QRSL1: variants seen among roughly 807,000 people sequenced by gnomAD.
QRSL1 encodes glutaminyl-tRNA amidotransferase subunit QRSL1.
QRSL1 carries 54 observed loss-of-function variants against 61.6 expected under a neutral mutation model. That is an observed-to-expected ratio of 0.88 (90% confidence interval 0.70 to 1.10). The LOEUF is 1.10. QRSL1 is among the 50% of genes least tolerant of loss of function. The pLI is 0.00. For synonymous variants in QRSL1, 228 were observed against 225.7 expected (o/e 1.01, Z -0.09); for missense variants, 505 against 622.6 (o/e 0.81, Z 2.01).
chr6:106,650,296 T>C lies in QRSL1; in HGVS notation c.557+1095T>C, dbSNP rs1400396705. Among the ~76,000 whole-genome samples, 5 of 152,282 alleles carry C rather than the reference T, an allele frequency of 3.3e-5. No homozygotes were observed. The South Asian group carries it at 8.3e-4, about 25-fold the overall frequency. ...CCGTCAGTGAATGCTAATAAGAAAATGTATCTTTTAAAATTGTGAAAGCAA... is the reference window on the plus strand; with the variant it reads ...CCGTCAGTGAATGCTAATAAGAAAACGTATCTTTTAAAATTGTGAAAGCAA... On this transcript the variant is annotated intron_variant, in intron 5 of 10. Transcript: ENST00000369046.
Position 106,643,122 on chromosome 6 carries a change from C to T in QRSL1, c.380+32C>T, listed in dbSNP as rs145768631. 5.6e-5 allele frequency: 80 copies of T among 1,433,020 alleles called. No homozygotes were observed. In the African/African-American group the frequency reaches 1.1e-3, roughly 19 times the overall value. 88.8% of individuals were successfully genotyped at this position (1,433,020 alleles called of 1,614,324 possible). ...AAAATTGAAATCTTCTCTTGAGTTTCTTCTGTCTGTGCCTTTATTTTCACT... is the reference window on the plus strand; with the variant it reads ...AAAATTGAAATCTTCTCTTGAGTTTTTTCTGTCTGTGCCTTTATTTTCACT... On this transcript the variant is annotated intron_variant, in intron 4 of 10. Coordinates refer to ENST00000369046, the MANE Select transcript of QRSL1 (RefSeq NM_018292.5).
chr6:106,645,996 G>T (rs562090563), intron 4 of QRSL1, among the ~76,000 whole-genome samples: 10 of 152,146 alleles, frequency 6.6e-5, no homozygotes, highest in Non-Finnish European at 1.3e-4. Flanking sequence ...GGTGAGAGCA[G>T]ATTTCCTTGC....
chr6:106,649,206 G>T lies in QRSL1; in HGVS notation c.557+5G>T. The T allele has an allele frequency of 4.3e-6, 7 of 1,612,982 alleles. No homozygotes were observed. Among genetic ancestry groups the T allele is most frequent in the Middle Eastern group, 3.3e-4 (2 of 6,052 alleles). On this transcript the variant is annotated splice_donor_5th_base_variant and intron_variant, in intron 5 of 10. Transcript: ENST00000369046. ...ATCGGCGTTCACATGCTACGCGTAA[G>T]ATGCTTTTCTCTATCTGTATTTTAA...
rs1777382775 is a variant in QRSL1, at chr6:106,663,103, A to G, written c.1284A>G (p.Val428=). The G allele has an allele frequency of 6.2e-7, 1 of 1,614,066 alleles. No homozygotes were observed. The highest frequency in any genetic ancestry group is 1.7e-5 in the Admixed American group (1 of 60,006). ...LLTPTTLSEA[V]PYLEFIKEDN... ...CTCCCACCACCTTGAGTGAGGCAGT[A>G]CCATACTTGGAGTTCATCAAAGAGG... The change falls in exon 10 of 11, where the codon GTA becomes GTG. Residue 428 remains valine, a synonymous_variant. Coordinates refer to ENST00000369046, the MANE Select transcript of QRSL1 (RefSeq NM_018292.5).
intron 7 of QRSL1, chr6:106,653,264 A>C (rs1777214570): frequency 6.5e-6 from 1 of 154,136 alleles, no homozygotes; most frequent in African/African-American, 2.4e-5. Flanking sequence ...AGAATAATGA[A>C]GTTTCACAAC....
intron 1 of QRSL1, among the ~76,000 whole-genome samples, chr6:106,637,660 C>T (rs1429657744): frequency 6.6e-6 from 1 of 152,120 alleles, no homozygotes; most frequent in Non-Finnish European, 1.5e-5. Context: ...GGAGAAGCAG[C>T]GGCTGCCAGG....
chr6:106,640,450 T>C lies in QRSL1; in HGVS notation c.126T>C (p.Thr42=), dbSNP rs777907019. The change falls in exon 2 of 11, where the codon ACT becomes ACC. Residue 42 remains threonine, a synonymous_variant. Coordinates refer to ENST00000369046, the MANE Select transcript of QRSL1 (RefSeq NM_018292.5). Reference sequence around the variant, plus strand: ...CCAAGTTTCTAAATGCCTACATTACTGTGTCAGAAGAGGTGGCCTTAAAAC... The same window carrying C: ...CCAAGTTTCTAAATGCCTACATTACCGTGTCAGAAGAGGTGGCCTTAAAAC... The part of the protein sequence containing the change: ...KKTKFLNAYI[T]VSEEVALKQA... 5 of 1,608,346 alleles carry C rather than the reference T, an allele frequency of 3.1e-6. No individual in the cohort carries two copies. The highest frequency in any genetic ancestry group is 4.2e-6 in the Non-Finnish European group (5 of 1,178,122).
chr6:106,639,129 T>TTTTTG (rs1562165101), intron 1 of QRSL1, among the ~76,000 whole-genome samples: 2 of 140,302 alleles, frequency 1.4e-5, no homozygotes, highest in Non-Finnish European at 1.5e-5. Flanking sequence ...GTTTTTTTTT[T>TTTTTG]TTTTTTTTTT....
At chr6:106,647,921 A>C (rs1366088779) in intron 4 of QRSL1, among the ~76,000 whole-genome samples, 1 of 146,544 alleles carries the variant, frequency 6.8e-6, no homozygotes, top group African/African-American at 2.5e-5. Flanking sequence ...AAGTGCTGGG[A>C]TTACAGGCGT....
rs1023965670 is a variant in QRSL1, at chr6:106,666,317, A to AAAAT, written c.*327_*330dup. The AAAAT allele has an allele frequency of 2.9e-4, 78 of 270,356 alleles. 1 individual carries two copies. The highest frequency in any genetic ancestry group is 1.6e-3 in the African/African-American group (72 of 44,526). The allele number at this position is 270,356 out of a possible 1,614,324, so 16.7% of individuals were successfully genotyped here. On this transcript the variant is annotated 3_prime_UTR_variant, in exon 11 of 11. Transcript: ENST00000369046. The stretch of plus-strand genomic sequence containing the variant: ...GGGTGACAAAGCAAGACTGTGTCTC[A>AAAAT]AAATAAATAAATAAAATAAAATAAA...
intron 7 of QRSL1, 156 bp downstream of exon 7, chr6:106,652,738 C>T (rs1456780902): frequency 6.5e-7 from 1 of 1,532,102 alleles, no homozygotes; most frequent in South Asian, 1.2e-5. Flanking sequence ...AGCTCAATTT[C>T]CCCATCTGTA....
chr6:106,665,509 C>T (rs1204751744), intron 10 of QRSL1, among the ~76,000 whole-genome samples: 2 of 152,146 alleles, frequency 1.3e-5, no homozygotes, highest in African/African-American at 2.4e-5. Context: ...CCACAGAAGA[C>T]TGGTTTACTC....
rs1010130588 is a variant in QRSL1, at chr6:106,630,712, A to C, written c.24+1007A>C. On this transcript the variant is annotated intron_variant, in intron 1 of 10. Transcript: ENST00000369046. Reference sequence around the variant, plus strand: ...AGGCTCCAGGTGATTTCTGGTAAGAAGTAGGCGCTGATGACCTAAACTGCC... The same window carrying C: ...AGGCTCCAGGTGATTTCTGGTAAGACGTAGGCGCTGATGACCTAAACTGCC... Among the ~76,000 whole-genome samples the C allele has an allele frequency of 2.0e-5, 3 of 152,176 alleles. No homozygotes were observed. The East Asian group carries it at 5.8e-4, about 29-fold the overall frequency.
intron 1 of QRSL1, among the ~76,000 whole-genome samples, chr6:106,631,905 T>C (rs1776840062): frequency 6.6e-6 from 1 of 152,236 alleles, no homozygotes; most frequent in South Asian, 2.1e-4. Context: ...CTGTATCTTA[T>C]TCATTCTGTC....
At chr6:106,646,798 GCAGGTGGATCACAAGGT>G (rs1487684666) in intron 4 of QRSL1, among the ~76,000 whole-genome samples, 1 of 152,040 alleles carries the variant, frequency 6.6e-6, no homozygotes, top group Non-Finnish European at 1.5e-5. Flanking sequence ...GGAGGCCGAG[GCAGGTGGATCACAAGGT>G]CAGGAGATTG....
At chr6:106,632,492 A>T (rs1416432722) in intron 1 of QRSL1, among the ~76,000 whole-genome samples, 1 of 152,080 alleles carries the variant, frequency 6.6e-6, no homozygotes, top group African/African-American at 2.4e-5. Flanking sequence ...CTAGGATTAC[A>T]GGTGTGAGCC....
chr6:106,642,888 C>T, intron 3 of QRSL1, 106 bp from the exon 4 acceptor site: 1 of 870,306 alleles, frequency 1.1e-6, no homozygotes. Flanking sequence ...GGGAAGGCTC[C>T]TGAGCTGTTG....
At chr6:106,655,756 T>C in intron 9 of QRSL1, 24 bp downstream of exon 9, 1 of 1,442,620 alleles carries the variant, frequency 6.9e-7, no homozygotes, top group South Asian at 1.1e-5. Context: ...TTTAGGAATT[T>C]TCTTCATTCT....
In QRSL1 at chr6:106,640,459, A is replaced by G; in HGVS notation, c.135A>G (p.Glu45=). The change falls in exon 2 of 11, where the codon GAA becomes GAG. Residue 45 remains glutamate (E), a synonymous_variant. Coordinates refer to ENST00000369046, the MANE Select transcript of QRSL1 (RefSeq NM_018292.5). The part of the protein sequence containing the change: ...KFLNAYITVS[E]EVALKQAEES... Reference sequence around the variant, plus strand: ...TAAATGCCTACATTACTGTGTCAGAAGAGGTGGCCTTAAAACAAGCTGAAG... The same window carrying G: ...TAAATGCCTACATTACTGTGTCAGAGGAGGTGGCCTTAAAACAAGCTGAAG... 6.2e-7 allele frequency: 1 copy of G among 1,601,738 alleles called. No homozygotes were observed. The highest frequency in any genetic ancestry group is 1.1e-5 in the South Asian group (1 of 88,654).
Sources: gnomAD v4.1 joint callset for allele counts (sites outside exome capture counted in the v4.1 genomes callset) on GRCh38, gnomAD v4.1.1 for gene constraint, MANE v1.5 for transcripts, NCBI Gene and HGNC (gene_info 2026-07-23, HGNC 2026-07-21) for gene names.